CCDC146: variants seen among roughly 807,000 people sequenced by gnomAD.
The protein encoded by CCDC146 is coiled-coil domain containing 146, also known as coiled-coil domain-containing protein 146.
CCDC146 carries 92 observed loss-of-function variants against 119.3 expected under a neutral mutation model. The ratio of observed to expected loss-of-function variants is 0.77; its 90% CI spans 0.65 to 0.92. The LOEUF (loss-of-function observed/expected upper bound fraction) is 0.92. CCDC146 is among the 40% of genes least tolerant of loss of function. The pLI is 0.00. For missense variants in CCDC146, 1,000 were observed against 1,103.0 expected, an observed-to-expected ratio of 0.91 and a Z score of 1.32; for synonymous variants, 372 against 371.8, an observed-to-expected ratio of 1.00 and a Z score of -0.01.
At chr7:77,277,612 T>A (rs1244511486) in intron 11 of CCDC146, among the ~76,000 whole-genome samples, 1 of 152,186 alleles carries the variant, frequency 6.6e-6, no homozygotes, top group Non-Finnish European at 1.5e-5. Context: ...ACAATGTCAC[T>A]ATCACCCCTA....
intron 14 of CCDC146, 116 bp from the exon 15 acceptor site, chr7:77,282,441 T>C (rs1049343455): frequency 7.5e-6 from 5 of 665,162 alleles, no homozygotes; most frequent in Non-Finnish European, 1.3e-5. Flanking sequence ...TCTGTGATCC[T>C]CTGGAAGTAT....
At chr7:77,210,256 G>A (rs996123264) in intron 2 of CCDC146, among the ~76,000 whole-genome samples, 3 of 152,152 alleles carry the variant, frequency 2.0e-5, no homozygotes, top group Non-Finnish European at 2.9e-5. Context: ...CATCTTACAT[G>A]TTTTGCTGCT....
chr7:77,185,390 C>A (rs1016269131), intron 2 of CCDC146, among the ~76,000 whole-genome samples: 1 of 152,158 alleles, frequency 6.6e-6, no homozygotes, highest in African/African-American at 2.4e-5. Context: ...AAGTTGCTTG[C>A]CTCTTGCAGA....
chr7:77,225,704 A>G (rs957498188), intron 2 of CCDC146, among the ~76,000 whole-genome samples: 11 of 152,212 alleles, frequency 7.2e-5, no homozygotes, highest in African/African-American at 2.7e-4. Flanking sequence ...ACACTTTGGG[A>G]GGCCGAGGTG....
At position 77,130,819 on chromosome 7, in the gene CCDC146, G is replaced by A. The variant is rs374580765; in HGVS notation, c.-12+8087G>A. Among the ~76,000 whole-genome samples the A allele has an allele frequency of 8.0e-5, 12 of 149,708 alleles. No individual in the cohort carries two copies. The East Asian group carries it at 2.2e-3, about 27-fold the overall frequency. On this transcript the variant is annotated intron_variant, in intron 1 of 18. Coordinates refer to ENST00000285871, the MANE Select transcript of CCDC146 (RefSeq NM_020879.3). ...TCACCGTGTTAGCCAGGATGGTCTC[G>A]ATCTCCTGACCTCGTGATCCGCCCG... is the stretch of plus-strand genomic sequence containing the variant.
chr7:77,228,980 C>T, intron 2 of CCDC146, among the ~76,000 whole-genome samples: 1 of 152,216 alleles, frequency 6.6e-6, no homozygotes, highest in Non-Finnish European at 1.5e-5. Context: ...GCTATTTTTC[C>T]TAATGCTCTC....
At chr7:77,274,815 G>A (rs1009302344) in intron 11 of CCDC146, among the ~76,000 whole-genome samples, 163 bp downstream of exon 11, 2 of 152,096 alleles carry the variant, frequency 1.3e-5, no homozygotes, top group Admixed American at 6.5e-5. Flanking sequence ...ACTCATAGAT[G>A]GGAATTGAAC....
At chr7:77,219,944 C>G (rs902318781) in intron 2 of CCDC146, among the ~76,000 whole-genome samples, 3 of 152,138 alleles carry the variant, frequency 2.0e-5, no homozygotes, top group African/African-American at 7.2e-5. Context: ...GATCACAAGT[C>G]CAGGGCGAAA....
chr7:77,139,508 C>G (rs1463315637), intron 1 of CCDC146, among the ~76,000 whole-genome samples: 1 of 152,170 alleles, frequency 6.6e-6, no homozygotes, highest in Non-Finnish European at 1.5e-5. Flanking sequence ...CTAACGTAAA[C>G]GATGGACTCT....
intron 14 of CCDC146, 67 bp from the exon 15 acceptor site, chr7:77,282,490 A>C: frequency 9.5e-7 from 1 of 1,054,244 alleles, no homozygotes; most frequent in Non-Finnish European, 1.4e-6. Flanking sequence ...GCCAGAGGGA[A>C]CCACAATGAC....
At chr7:77,276,083 G>C (rs147374518) in intron 11 of CCDC146, among the ~76,000 whole-genome samples, 1,622 of 151,766 alleles carry the variant, frequency 0.011, 22 homozygotes, top group African/African-American at 0.036. Flanking sequence ...GCAGGTGCCT[G>C]TAATCCCAGC....
intron 9 of CCDC146, among the ~76,000 whole-genome samples, chr7:77,265,105 G>A (rs1274137591): frequency 6.6e-6 from 1 of 152,190 alleles, no homozygotes; most frequent in Non-Finnish European, 1.5e-5. Context: ...CCGAAGCACA[G>A]CACGTTAGGA....
intron 2 of CCDC146, among the ~76,000 whole-genome samples, chr7:77,229,427 C>T (rs1349325116): frequency 6.6e-6 from 1 of 152,142 alleles, no homozygotes; most frequent in Non-Finnish European, 1.5e-5. Context: ...CCTAGGCTGT[C>T]TTCCAGGGTT....
chr7:77,244,538 A>G (rs1400737195), intron 4 of CCDC146, among the ~76,000 whole-genome samples: 1 of 152,196 alleles, frequency 6.6e-6, no homozygotes, highest in Non-Finnish European at 1.5e-5. Context: ...TAGATACACA[A>G]ACACTTATTG....
chr7:77,291,090 A>G (rs904702267), intron 17 of CCDC146, among the ~76,000 whole-genome samples: 2 of 152,244 alleles, frequency 1.3e-5, no homozygotes, highest in Non-Finnish European at 2.9e-5. Context: ...AATAAAACAA[A>G]AAGTCCTTGT....
intron 2 of CCDC146, among the ~76,000 whole-genome samples, chr7:77,229,592 TG>T (rs1792580566): frequency 1.3e-5 from 2 of 152,236 alleles, no homozygotes; most frequent in Admixed American, 1.3e-4. Flanking sequence ...CCCCATTGCT[TG>T]TTTTTGTCAG....
chr7:77,272,996 A>G (rs1308447608), intron 9 of CCDC146, among the ~76,000 whole-genome samples: 1 of 152,190 alleles, frequency 6.6e-6, no homozygotes, highest in Non-Finnish European at 1.5e-5. Flanking sequence ...TTTATCCTAT[A>G]CAATTTCATA....
intron 2 of CCDC146, chr7:77,199,011 T>C: frequency 1.6e-6 from 1 of 627,408 alleles, no homozygotes; most frequent in South Asian, 2.1e-5. Context: ...AATTAGGTCA[T>C]ATTTATGTGG....
intron 5 of CCDC146, chr7:77,255,330 C>G (rs1003782568): frequency 2.6e-5 from 4 of 152,140 alleles, no homozygotes; most frequent in Non-Finnish European, 5.9e-5. Flanking sequence ...GCATACCCTG[C>G]AGATAGGAGG....
Sources: gnomAD v4.1 joint callset for allele counts (sites outside exome capture counted in the v4.1 genomes callset) on GRCh38, gnomAD v4.1.1 for gene constraint, MANE v1.5 for transcripts, NCBI Gene and HGNC (gene_info 2026-07-23, HGNC 2026-07-21) for gene names.